The following CLIP4 variants were observed in gnomAD, a reference collection of about 807,000 sequenced individuals.
CLIP4 encodes CAP-Gly domain containing linker protein family member 4, also known as CAP-Gly domain-containing linker protein 4.
Under a neutral mutation model 73.1 loss-of-function variants are expected in CLIP4, and 47 were observed. The ratio of observed to expected loss-of-function variants is 0.64; its 90% CI spans 0.51 to 0.82. The LOEUF (loss-of-function observed/expected upper bound fraction) is 0.82. Among genes scored for constraint, CLIP4 ranks in the 40% least tolerant of loss-of-function variants. The pLI, the probability that CLIP4 is intolerant of heterozygous loss-of-function variation, is 0.00. For missense variants in CLIP4, 874 were observed against 852.9 expected (o/e 1.02, Z -0.31); for synonymous variants, 306 against 295.4 (o/e 1.04, Z -0.37).
chr2:29,181,690 A>C lies in CLIP4; in HGVS notation c.1915A>C (p.Thr639Pro). The C allele has an allele frequency of 2.5e-6, 4 of 1,614,194 alleles. No homozygotes were observed. The highest frequency in any genetic ancestry group is 3.4e-6 in the Non-Finnish European group (4 of 1,180,014). Residue 639 changes from threonine (T) to proline (P), a missense_variant, in exon 16 of 16, where the codon ACT becomes CCT. Coordinates refer to ENST00000320081, the MANE Select transcript of CLIP4 (RefSeq NM_024692.6). ...GCTCACGAGCTCCAATGAGATGGGT[A>C]CTGTTAGGTATGTGGGCCCCACTGA... is the stretch of plus-strand genomic sequence containing the variant. ...VLLTSSNEMGTVRYVGPTDFA... is the reference protein window; with the variant it reads ...VLLTSSNEMGPVRYVGPTDFA...
chr2:29,151,644 A>G (rs56361202), intron 8 of CLIP4, among the ~76,000 whole-genome samples: 6,457 of 152,240 alleles, frequency 0.042, 437 homozygotes, highest in African/African-American at 0.15. Context: ...CAAAGCACTC[A>G]CTTCTTACAG....
At chr2:29,169,328 A>C in intron 14 of CLIP4, among the ~76,000 whole-genome samples, 1 of 81,168 alleles carries the variant, frequency 1.2e-5, no homozygotes, top group South Asian at 5.1e-4. Flanking sequence ...GGTCTTTTTC[A>C]CTGTGTGTGT....
chr2:29,098,144 T>C (rs555838755), intron 1 of CLIP4, among the ~76,000 whole-genome samples: 2 of 152,340 alleles, frequency 1.3e-5, no homozygotes, highest in African/African-American at 4.8e-5. Flanking sequence ...CGTAATGGAA[T>C]GATCAGAAAG....
intron 14 of CLIP4, among the ~76,000 whole-genome samples, chr2:29,171,798 G>A (rs546531386): frequency 9.1e-4 from 138 of 152,174 alleles, no homozygotes; most frequent in African/African-American, 2.1e-3. Flanking sequence ...GATTACAGGC[G>A]TGAGCCACCG....
rs547711048 is a variant in CLIP4 at position 29,152,165 on chromosome 2, A to G, written c.1022-520A>G. On this transcript the variant is annotated intron_variant, in intron 8 of 15. Coordinates refer to ENST00000320081, the MANE Select transcript of CLIP4 (RefSeq NM_024692.6). ...TGTTAGTCTGGAAGAGAGATAAGAA[A>G]GACATGGACATAAAAAGCTATAATG... 3.3e-5 allele frequency among the ~76,000 whole-genome samples: 5 copies of G among 152,346 alleles called. No individual in the cohort carries two copies. The South Asian group carries it at 1.0e-3, about 32-fold the overall frequency.
chr2:29,116,931 A>G (rs745725292), intron 1 of CLIP4, among the ~76,000 whole-genome samples: 6 of 152,208 alleles, frequency 3.9e-5, no homozygotes, highest in East Asian at 1.9e-4. Context: ...GACAACTCCA[A>G]TTTTGACACG....
intron 1 of CLIP4, among the ~76,000 whole-genome samples, chr2:29,121,104 T>C (rs1464711857): frequency 6.6e-6 from 1 of 152,186 alleles, no homozygotes; most frequent in Non-Finnish European, 1.5e-5. Flanking sequence ...TAGCTCAGCA[T>C]TTAAAGTGTT....
At chr2:29,130,975 C>G (rs1019570757) in intron 2 of CLIP4, 6 of 1,173,482 alleles carry the variant, frequency 5.1e-6, no homozygotes, top group Admixed American at 5.5e-5. Context: ...TTGCCACTTA[C>G]TAGCTGTGCG....
At position 29,156,366 on chromosome 2, in the gene CLIP4, C is replaced by CA; in HGVS notation, c.1185dup (p.Asp396ArgfsTer2). ...TTTTGTGTCCAAGGATTAATGACAT[C>CA]AAAAAAAGATAGTGCTTCTGAGTCA... On this transcript the variant is annotated frameshift_variant, in exon 10 of 16. Transcript: ENST00000320081. LOFTEE classifies it high-confidence loss of function. The CA allele has an allele frequency of 6.4e-7, 1 of 1,569,600 alleles. No homozygotes were observed. The highest frequency in any genetic ancestry group is 2.2e-5 in the Admixed American group (1 of 44,960).
chr2:29,107,975 T>C (rs1271119214), intron 1 of CLIP4, among the ~76,000 whole-genome samples: 1 of 151,712 alleles, frequency 6.6e-6, no homozygotes, highest in African/African-American at 2.4e-5. Context: ...AGACTACAAT[T>C]CCTGCCCTCT....
At chr2:29,107,367 T>TTTTTTTTTGTTTTTTTTGTTTTTTTTG (rs1668247820) in intron 1 of CLIP4, among the ~76,000 whole-genome samples, 1 of 111,170 alleles carries the variant, frequency 9.0e-6, no homozygotes, top group African/African-American at 3.7e-5. Context: ...AGTTTTTTTT[T>TTTTTTTTTGTTTTTTTTGTTTTTTTTG]TTTTTTTTTT....
chr2:29,107,325 C>T (rs1336965796), intron 1 of CLIP4, among the ~76,000 whole-genome samples: 1 of 128,588 alleles, frequency 7.8e-6, no homozygotes, highest in South Asian at 2.7e-4. Context: ...ACAAAGGCAG[C>T]TTCTGTGATT....
intron 13 of CLIP4, among the ~76,000 whole-genome samples, chr2:29,164,802 T>G (rs188205538): frequency 7.0e-4 from 107 of 152,360 alleles, no homozygotes; most frequent in African/African-American, 2.4e-3. Flanking sequence ...TTTCTTTTTC[T>G]GAGTGAATCA....
intron 1 of CLIP4, among the ~76,000 whole-genome samples, chr2:29,102,631 CT>C (rs1304491469): frequency 9.4e-4 from 137 of 145,314 alleles, no homozygotes; most frequent in Admixed American, 9.7e-4. Flanking sequence ...CTTTTCTTTT[CT>C]TTTTTTTTTT....
chr2:29,150,872 G>A (rs1256171476), intron 8 of CLIP4, among the ~76,000 whole-genome samples: 4 of 151,816 alleles, frequency 2.6e-5, no homozygotes, highest in Non-Finnish European at 4.4e-5. Flanking sequence ...CGCTTGCCTC[G>A]GCCTCCTAAA....
At position 29,115,737 on chromosome 2, in the gene CLIP4, GGCCCT is replaced by G. The variant is rs1382609165; in HGVS notation, c.-16+74_-16+78del. 2.7e-5 allele frequency: 4 copies of G among 149,354 alleles called. No individual in the cohort carries two copies. The highest frequency in any genetic ancestry group is 9.7e-5 in the African/African-American group (4 of 41,078). 9.3% of individuals were successfully genotyped at this position (149,354 alleles called of 1,614,324 possible). On this transcript the variant is annotated intron_variant, in intron 1 of 15. Transcript: ENST00000320081. This position sits in a 1 kb window ranked among gnomAD's most constrained non-coding sequence, Gnocchi z 5.1. ...CGGCGGGGTTGGGGCCGGGGTGGGC[GGCCCT>G]GGGGGCCCGCGGGGAGGTCAGTGGC... is the stretch of plus-strand genomic sequence containing the variant.
rs1279248032 is a variant in CLIP4 at position 29,121,589 on chromosome 2, C to T, written c.133+68C>T. 10 of 1,529,822 alleles carry T rather than the reference C, an allele frequency of 6.5e-6. No individual in the cohort carries two copies. The East Asian group carries it at 1.8e-4, about 28-fold the overall frequency. The allele number at this position is 1,529,822 out of a possible 1,614,324, so 94.8% of individuals were successfully genotyped here. On this transcript the variant is annotated intron_variant, in intron 2 of 15. Coordinates refer to ENST00000320081, the MANE Select transcript of CLIP4 (RefSeq NM_024692.6). ...TGACTTCTCTGTTACGCCTTTTTTGCACTCATAGTCTTTCTTAGAACCATT... is the reference window on the plus strand; with the variant it reads ...TGACTTCTCTGTTACGCCTTTTTTGTACTCATAGTCTTTCTTAGAACCATT...
chr2:29,113,816 T>C (rs866179119), upstream of CLIP4, among the ~76,000 whole-genome samples: 3 of 152,264 alleles, frequency 2.0e-5, no homozygotes, highest in Non-Finnish European at 2.9e-5. This position sits in a 1 kb window ranked among gnomAD's most constrained non-coding sequence, Gnocchi z 4.0. Context: ...CAGATCTTTA[T>C]GACTTTCTGT....
At chr2:29,144,234 T>C (rs1665991120) in intron 7 of CLIP4, among the ~76,000 whole-genome samples, 1 of 152,298 alleles carries the variant, frequency 6.6e-6, no homozygotes, top group South Asian at 2.1e-4. Context: ...TGATCTAAGG[T>C]GGAGGATTAT....
Sources: gnomAD v4.1 joint callset for allele counts (sites outside exome capture counted in the v4.1 genomes callset) on GRCh38, gnomAD v4.1.1 for gene constraint, Gnocchi (gnomAD v3.1) non-coding constraint, MANE v1.5 for transcripts, NCBI Gene and HGNC (gene_info 2026-07-23, HGNC 2026-07-21) for gene names.